Variants in KIAA1958 observed in about 807,000 individuals in gnomAD.
The protein encoded by KIAA1958 is uncharacterized protein KIAA1958.
In KIAA1958, 14 loss-of-function variants were observed where a neutral mutation model predicts 47.2. That is an observed-to-expected ratio of 0.30 (90% CI 0.20 to 0.46). The LOEUF is 0.46. Among genes scored for constraint, KIAA1958 ranks in the 20% least tolerant of loss-of-function variants. The probability of loss-of-function intolerance (pLI) is 1.00; values close to 1 mark genes in which losing one functional copy is unlikely to be tolerated. For synonymous variants in KIAA1958, 354 were observed against 353.3 expected (o/e 1.00, Z -0.02); for missense variants, 803 against 909.2 (o/e 0.88, Z 1.50).
intron 1 of KIAA1958, 100 bp from the exon 2 acceptor site, chr9:112,573,957 T>C: frequency 3.1e-6 from 2 of 646,254 alleles, no homozygotes; most frequent in Admixed American, 3.0e-5. Flanking sequence ...GTGCGTTTTT[T>C]TTTTATGCCA....
chr9:112,660,422 C>T lies in KIAA1958; in HGVS notation c.*353C>T. 3 of 226,862 alleles carry T rather than the reference C, an allele frequency of 1.3e-5. No homozygotes were observed. Among genetic ancestry groups the T allele is most frequent in the Admixed American group, 5.1e-5 (1 of 19,778 alleles). The allele number at this position is 226,862 out of a possible 1,614,324, so 14.1% of individuals were successfully genotyped here. A position where few individuals can be genotyped will look rare whatever the true frequency, so the allele number is the denominator to read the frequency against. On this transcript the variant is annotated 3_prime_UTR_variant, in exon 4 of 4. Transcript: ENST00000337530. ...ACAAAAAAGGAAACTGTTAAGTAGT[C>T]GTTTAAAAAAAAAATCCCAGTAGCG...
chr9:112,611,798 AG>A (rs1432138180), intron 2 of KIAA1958, among the ~76,000 whole-genome samples: 1 of 152,070 alleles, frequency 6.6e-6, no homozygotes, highest in African/African-American at 2.4e-5. Context: ...TAATAGAGTA[AG>A]GAGGGGATTG....
At chr9:112,505,312 C>A (rs1454866891) in intron 1 of KIAA1958, among the ~76,000 whole-genome samples, 2 of 152,052 alleles carry the variant, frequency 1.3e-5, no homozygotes, top group Non-Finnish European at 2.9e-5. Flanking sequence ...TGTTTCTGGC[C>A]CTTATTAGTA....
intron 3 of KIAA1958, among the ~76,000 whole-genome samples, chr9:112,647,407 C>G (rs1219284615): frequency 6.6e-6 from 1 of 151,800 alleles, no homozygotes; most frequent in Non-Finnish European, 1.5e-5. Flanking sequence ...AATGTAGGTG[C>G]TCAGGTTTTT....
At chr9:112,582,227 A>G (rs1035873240) in intron 2 of KIAA1958, among the ~76,000 whole-genome samples, 2 of 152,220 alleles carry the variant, frequency 1.3e-5, no homozygotes, top group African/African-American at 2.4e-5. Context: ...TTTTTAAATG[A>G]CTAGAGAAGT....
Position 112,637,443 on chromosome 9 carries a change from G to A in KIAA1958, c.1172-8207G>A, listed in dbSNP as rs997401478. 1.1e-4 allele frequency among the ~76,000 whole-genome samples: 16 copies of A among 151,920 alleles called. No homozygotes were observed. In the East Asian group the frequency reaches 2.7e-3, roughly 26 times the overall value. On this transcript the variant is annotated intron_variant, in intron 2 of 3. Transcript: ENST00000337530. The stretch of plus-strand genomic sequence containing the variant: ...TTTGCCCAGGCTGGAGTGAAGTGGC[G>A]CAATCTCAGCTCACTGCAACCTCCT...
intron 1 of KIAA1958, among the ~76,000 whole-genome samples, chr9:112,561,587 G>A (rs1835332528): frequency 6.6e-6 from 1 of 152,042 alleles, no homozygotes; most frequent in South Asian, 2.1e-4. Context: ...GGGTGCAGTG[G>A]CTCACCCCTG....
chr9:112,643,134 G>A (rs1448366026), intron 2 of KIAA1958, among the ~76,000 whole-genome samples: 1 of 152,132 alleles, frequency 6.6e-6, no homozygotes, highest in Admixed American at 6.5e-5. Context: ...TTTTTCATAA[G>A]CACAAGCTAG....
intron 2 of KIAA1958, among the ~76,000 whole-genome samples, chr9:112,615,906 A>G (rs1417226946): frequency 6.6e-6 from 1 of 152,256 alleles, no homozygotes; most frequent in Non-Finnish European, 1.5e-5. Flanking sequence ...GAAAGTTTTT[A>G]AAAGATCCCA....
In KIAA1958 at chr9:112,667,825, G is replaced by A. The variant is rs999179935; in HGVS notation, c.*7756G>A. On this transcript the variant is annotated 3_prime_UTR_variant, in exon 4 of 4. Coordinates refer to ENST00000337530, the MANE Select transcript of KIAA1958 (RefSeq NM_133465.4). ...GATAATAAGTTGTACAGCAACCTAC[G>A]AGGCTTGATTTAAATAAAACAATGT... 3.9e-5 allele frequency: 6 copies of A among 152,130 alleles called. No individual in the cohort carries two copies. Among genetic ancestry groups the A allele is most frequent in the Admixed American group, 1.3e-4 (2 of 15,272 alleles). The allele number at this position is 152,130 out of a possible 1,614,324, so 9.4% of individuals were successfully genotyped here.
chr9:112,504,424 A>G (rs1165516049), intron 1 of KIAA1958, among the ~76,000 whole-genome samples: 2 of 152,170 alleles, frequency 1.3e-5, no homozygotes, highest in African/African-American at 4.8e-5. Context: ...CCTGACCTCA[A>G]GTGATCCACC....
chr9:112,667,509 G>T lies in KIAA1958; in HGVS notation c.*7440G>T, dbSNP rs1341476536. ...GAGAATCGCTTGAACCCAGGAGGCG[G>T]AGGTTTCAGTGAGCCGAGATTGCAC... On this transcript the variant is annotated 3_prime_UTR_variant, in exon 4 of 4. Coordinates refer to ENST00000337530, the MANE Select transcript of KIAA1958 (RefSeq NM_133465.4). 6.6e-6 allele frequency: 1 copy of T among 152,172 alleles called. No individual in the cohort carries two copies. Among genetic ancestry groups the T allele is most frequent in the Admixed American group, 6.5e-5 (1 of 15,270 alleles). 9.4% of individuals were successfully genotyped at this position (152,172 alleles called of 1,614,324 possible).
chr9:112,503,342 T>TA (rs1834177169), intron 1 of KIAA1958, among the ~76,000 whole-genome samples: 1 of 152,084 alleles, frequency 6.6e-6, no homozygotes, highest in Non-Finnish European at 1.5e-5. Flanking sequence ...TGTGCCCTGA[T>TA]ATGTTCTAGG....
At chr9:112,523,083 C>A (rs1231524876) in intron 1 of KIAA1958, among the ~76,000 whole-genome samples, 1 of 152,198 alleles carries the variant, frequency 6.6e-6, no homozygotes, top group Non-Finnish European at 1.5e-5. Context: ...TCATAGCACT[C>A]ATCCTCACAG....
rs551983171 is a variant in KIAA1958, at chr9:112,536,069, G to A, written c.-24-37988G>A. 8.3e-4 allele frequency among the ~76,000 whole-genome samples: 126 copies of A among 152,250 alleles called. 1 individual carries two copies. Among genetic ancestry groups the A allele is most frequent in the South Asian group, 4.6e-3 (22 of 4,826 alleles). On this transcript the variant is annotated intron_variant, in intron 1 of 3. Coordinates refer to ENST00000337530, the MANE Select transcript of KIAA1958 (RefSeq NM_133465.4). ...TCTCCGCTCTGTTAATTGACCTCTG[G>A]GTTCAATGAGTGGCTAATGTAACTG...
chr9:112,630,609 C>T (rs909219779), intron 2 of KIAA1958, among the ~76,000 whole-genome samples: 1 of 152,162 alleles, frequency 6.6e-6, no homozygotes, highest in Non-Finnish European at 1.5e-5. Flanking sequence ...TTACCTTTAG[C>T]ACATATTACA....
At chr9:112,640,399 C>G (rs1460147162) in intron 2 of KIAA1958, among the ~76,000 whole-genome samples, 1 of 152,106 alleles carries the variant, frequency 6.6e-6, no homozygotes, top group Non-Finnish European at 1.5e-5. Flanking sequence ...TTCTGCTTGG[C>G]TTTTCTGTAT....
intron 1 of KIAA1958, among the ~76,000 whole-genome samples, chr9:112,491,309 A>G (rs1833963434): frequency 6.6e-6 from 1 of 152,202 alleles, no homozygotes; most frequent in Non-Finnish European, 1.5e-5. Context: ...CGTTGAAGCA[A>G]TATTTAAAAA....
chr9:112,515,894 T>TTTAAA (rs1212561170), intron 1 of KIAA1958, among the ~76,000 whole-genome samples: 4 of 97,124 alleles, frequency 4.1e-5, no homozygotes, highest in African/African-American at 1.6e-4. Context: ...AAAAATAAAT[T>TTTAAA]AAAAAAAAAA....
Sources: allele counts gnomAD v4.1 joint callset (sites outside exome capture counted in the v4.1 genomes callset), GRCh38; gene constraint gnomAD v4.1.1; transcripts MANE v1.5; gene names NCBI Gene and HGNC (gene_info 2026-07-23, HGNC 2026-07-21).